LEMD3: variants seen among roughly 807,000 people sequenced by gnomAD.
LEMD3 encodes the protein inner nuclear membrane protein Man1.
In LEMD3, 33 loss-of-function variants were observed where a neutral mutation model predicts 95.2. The ratio of observed to expected loss-of-function variants is 0.35; its 90% CI spans 0.26 to 0.46. The LOEUF (loss-of-function observed/expected upper bound fraction) is 0.46, where lower values mean the gene tolerates loss of function less well. LEMD3 is among the 20% of genes least tolerant of loss of function. LEMD3 has a pLI of 1.00. For missense variants in LEMD3, 1,210 were observed against 1,192.8 expected (o/e 1.01, Z -0.21); for synonymous variants, 525 against 474.6 (o/e 1.11, Z -1.38).
intron 1 of LEMD3, among the ~76,000 whole-genome samples, chr12:65,175,038 A>C (rs1868671596): frequency 6.6e-6 from 1 of 152,156 alleles, no homozygotes; most frequent in African/African-American, 2.4e-5. Flanking sequence ...TGAGGCAAAA[A>C]CAGGCTTGTG....
rs200915322 is a variant in LEMD3, at chr12:65,234,634, GATA to G, written c.1696-3865_1696-3863del. Reference sequence around the variant, plus strand: ...CATTCCATGGTTTTCTTGTATTCCAGATAATGAGTGGATGTCAAGTGATATTAA... The same window carrying G: ...CATTCCATGGTTTTCTTGTATTCCAGATGAGTGGATGTCAAGTGATATTAA... On this transcript the variant is annotated intron_variant, in intron 4 of 12. Transcript: ENST00000308330. Among the ~76,000 whole-genome samples the G allele has an allele frequency of 3.8e-3, 581 of 152,120 alleles. 12 individuals carry two copies. Among genetic ancestry groups the G allele is most frequent in the Admixed American group, 0.025 (377 of 15,286 alleles).
intron 2 of LEMD3, among the ~76,000 whole-genome samples, chr12:65,215,422 C>T (rs985438635): frequency 6.6e-6 from 1 of 152,126 alleles, no homozygotes; most frequent in Non-Finnish European, 1.5e-5. Flanking sequence ...CTGGGTCTCT[C>T]GCTTTGCTGA....
intron 1 of LEMD3, among the ~76,000 whole-genome samples, chr12:65,210,142 TA>T (rs1869894309): frequency 3.3e-5 from 5 of 151,832 alleles, no homozygotes; most frequent in African/African-American, 1.2e-4. Context: ...AGGAGGGGCA[TA>T]GGGGTTGGAT....
At position 65,246,254 on chromosome 12, in the gene LEMD3, A is replaced by G. The variant is rs146215492; in HGVS notation, c.2665A>G (p.Asn889Asp). The G allele has an allele frequency of 3.7e-6, 6 of 1,613,378 alleles. No individual in the cohort carries two copies. The African/African-American group carries it at 5.3e-5, about 14-fold the overall frequency. Reference sequence around the variant, plus strand: ...TTCCAACACTCCATTGAAGCCATCAAATAAACATATGAACTCCATGTCTCA... The same window carrying G: ...TTCCAACACTCCATTGAAGCCATCAGATAAACATATGAACTCCATGTCTCA... ...LTSNTPLKPSNKHMNSMSHLR... is the reference protein window; with the variant it reads ...LTSNTPLKPSDKHMNSMSHLR... The change falls in exon 13 of 13, where the codon AAT becomes GAT. Residue 889 changes from asparagine (N) to aspartate (D), a missense_variant. Around this residue, in one of 2 missense-constraint regions of LEMD3, gnomAD observed 461 missense variants for 569.8 expected, o/e 0.81. Coordinates refer to ENST00000308330, the MANE Select transcript of LEMD3 (RefSeq NM_014319.5).
At chr12:65,175,750 C>T (rs1239748741) in intron 1 of LEMD3, among the ~76,000 whole-genome samples, 1 of 152,096 alleles carries the variant, frequency 6.6e-6, no homozygotes, top group Non-Finnish European at 1.5e-5. Context: ...GTATTTTTAC[C>T]TTGGATTTCT....
At chr12:65,216,070 T>TA in intron 3 of LEMD3, 27 bp downstream of exon 3, 1 of 1,450,550 alleles carries the variant, frequency 6.9e-7, no homozygotes, top group South Asian at 1.2e-5. Context: ...TTATAGTTGC[T>TA]AAAAATGTTT....
intron 9 of LEMD3, among the ~76,000 whole-genome samples, 173 bp downstream of exon 9, chr12:65,241,260 T>G (rs1870931372): frequency 6.6e-6 from 1 of 152,172 alleles, no homozygotes; most frequent in South Asian, 2.1e-4. Context: ...CTTTTATCTT[T>G]GCTAATGCAA....
At chr12:65,185,642 T>C (rs1237484179) in intron 1 of LEMD3, among the ~76,000 whole-genome samples, 1 of 151,222 alleles carries the variant, frequency 6.6e-6, no homozygotes, top group Non-Finnish European at 1.5e-5. Context: ...GGAGAATCAT[T>C]ACTTAAAGAA....
chr12:65,231,331 AG>A (rs1420142708), intron 4 of LEMD3, among the ~76,000 whole-genome samples: 22 of 152,318 alleles, frequency 1.4e-4, no homozygotes, highest in South Asian at 4.1e-4. Context: ...TGTAATTTTA[AG>A]GTCTATATAA....
At chr12:65,225,235 A>G (rs1324577433) in intron 4 of LEMD3, among the ~76,000 whole-genome samples, 1 of 151,930 alleles carries the variant, frequency 6.6e-6, no homozygotes, top group Non-Finnish European at 1.5e-5. Context: ...TTGGAAGTGT[A>G]TTTTGTTTCT....
Position 65,239,916 on chromosome 12 carries a change from A to T in LEMD3, c.1922-13A>T. 6.5e-7 allele frequency: 1 copy of T among 1,529,502 alleles called. No individual in the cohort carries two copies. The highest frequency in any genetic ancestry group is 9.1e-7 in the Non-Finnish European group (1 of 1,103,762). 94.7% of individuals were successfully genotyped at this position (1,529,502 alleles called of 1,614,324 possible). A position where few individuals can be genotyped will look rare whatever the true frequency, so the allele number is the denominator to read the frequency against. ...CCACAATTTTTAAAATACAAAGTAT[A>T]TTAATATTACAGGTGTAGTGATGGT... On this transcript the variant is annotated splice_polypyrimidine_tract_variant and intron_variant, in intron 6 of 12. Coordinates refer to ENST00000308330, the MANE Select transcript of LEMD3 (RefSeq NM_014319.5).
chr12:65,170,261 G>A lies in LEMD3; in HGVS notation c.665G>A (p.Gly222Glu), dbSNP rs1417036862. The A allele has an allele frequency of 5.8e-6, 9 of 1,560,384 alleles. No homozygotes were observed. Among genetic ancestry groups the A allele is most frequent in the Non-Finnish European group, 6.9e-6 (8 of 1,151,806 alleles). The change falls in exon 1 of 13, where the codon GGG (glycine) becomes GAG (glutamate). Residue 222 changes from glycine (G) to glutamate (E), a missense_variant. Gly to Glu is a moderately conservative substitution (Grantham distance 98). Around this residue, in one of 2 missense-constraint regions of LEMD3, gnomAD observed 749 missense variants for 622.9 expected, o/e 1.20. Transcript: ENST00000308330. ...GKDGAVEDEE[G>E]EGEDGEERDP... ...GATGGAGCAGTGGAGGACGAGGAAG[G>A]GGAGGGAGAGGACGGTGAGGAGAGG...
intron 1 of LEMD3, among the ~76,000 whole-genome samples, chr12:65,200,027 G>T (rs1265978547): frequency 6.6e-6 from 1 of 151,510 alleles, no homozygotes; most frequent in East Asian, 2.0e-4. Context: ...GAACAGAGGG[G>T]TTGGGGGTGC....
chr12:65,185,487 T>TTAAAATATACCA (rs1869033817), intron 1 of LEMD3, among the ~76,000 whole-genome samples: 2 of 152,052 alleles, frequency 1.3e-5, no homozygotes, highest in South Asian at 2.1e-4. Flanking sequence ...TTCAATGGTA[T>TTAAAATATACCA]TTCAATACTG....
At chr12:65,214,623 A>G (rs999616291) in intron 2 of LEMD3, among the ~76,000 whole-genome samples, 1 of 152,084 alleles carries the variant, frequency 6.6e-6, no homozygotes, top group Non-Finnish European at 1.5e-5. Context: ...CACAAAATAA[A>G]TGGATGAGGT....
chr12:65,169,633 T>C lies in LEMD3; in HGVS notation c.37T>C (p.Ser13Pro), dbSNP rs952563919. Residue 13 changes from serine to proline, a missense_variant, in exon 1 of 13, where the codon TCG becomes CCG. Transcript: ENST00000308330. Reference sequence around the variant, plus strand: ...AGCAGCTTCGGCGCCTCAGCAGCTCTCGGATGAGGAGCTTTTCTCTCAGCT... The same window carrying C: ...AGCAGCTTCGGCGCCTCAGCAGCTCCCGGATGAGGAGCTTTTCTCTCAGCT... ...AAAASAPQQL[S>P]DEELFSQLRR... 1.9e-6 allele frequency: 3 copies of C among 1,589,666 alleles called. No homozygotes were observed. The highest frequency in any genetic ancestry group is 1.1e-5 in the South Asian group (1 of 87,824).
At chr12:65,231,120 A>C (rs1870613130) in intron 4 of LEMD3, among the ~76,000 whole-genome samples, 1 of 152,148 alleles carries the variant, frequency 6.6e-6, no homozygotes, top group Admixed American at 6.5e-5. Flanking sequence ...TTCTTAAAGA[A>C]TTATGTAAAA....
chr12:65,203,904 C>T (rs1206335840), intron 1 of LEMD3, among the ~76,000 whole-genome samples: 1 of 152,132 alleles, frequency 6.6e-6, no homozygotes, highest in Admixed American at 6.6e-5. Flanking sequence ...TCACTGATAA[C>T]TTTTCTTGCT....
At chr12:65,244,494 A>G (rs1288650079) in intron 10 of LEMD3, among the ~76,000 whole-genome samples, 4 of 152,168 alleles carry the variant, frequency 2.6e-5, no homozygotes, top group Non-Finnish European at 5.9e-5. Flanking sequence ...AGCAAGACAA[A>G]TGTCCCTTAC....
Sources: gnomAD v4.1 joint callset for allele counts (sites outside exome capture counted in the v4.1 genomes callset) on GRCh38, gnomAD v4.1.1 for gene constraint, gnomAD v4.1.1 regional missense constraint, MANE v1.5 for transcripts, NCBI Gene and HGNC (gene_info 2026-07-23, HGNC 2026-07-21) for gene names.